Variants in TRMT44 observed in about 807,000 individuals in gnomAD.
TRMT44 encodes the protein tRNA methyltransferase 44 homolog, also known as probable tRNA (uracil-O(2)-)-methyltransferase.
Under a neutral mutation model 77.3 loss-of-function variants are expected in TRMT44, and 78 were observed. The observed-to-expected ratio is 1.01, with a 90% CI of 0.84 to 1.22. The LOEUF (loss-of-function observed/expected upper bound fraction) is 1.22. Ranked by LOEUF, TRMT44 falls within the 50% of genes most tolerant of loss-of-function variation. The pLI, the probability that TRMT44 is intolerant of heterozygous loss-of-function variation, is 0.00. For missense variants in TRMT44, 1,090 were observed against 964.4 expected, an observed-to-expected ratio of 1.13 and a Z score of -1.73; for synonymous variants, 391 against 383.3, an observed-to-expected ratio of 1.02 and a Z score of -0.23.
chr4:8,504,132 G>A, the TRMT44 span, among the ~76,000 whole-genome samples: 109 of 148,444 alleles, frequency 7.3e-4, no homozygotes, highest in African/African-American at 2.7e-3. This position sits in a 1 kb window ranked among gnomAD's most constrained non-coding sequence, Gnocchi z 5.3. Context: ...CGGGGCAGGG[G>A]CTGCATCAGG....
chr4:8,458,464 C>CTTTTT (rs56203512), intron 6 of TRMT44, among the ~76,000 whole-genome samples: 59 of 130,278 alleles, frequency 4.5e-4, no homozygotes, highest in Non-Finnish European at 5.4e-4. Context: ...CTTTTCTTTT[C>CTTTTT]TTTTTTTTTT....
At chr4:8,471,903 A>T (rs1194933356) in intron 10 of TRMT44, among the ~76,000 whole-genome samples, 2 of 152,086 alleles carry the variant, frequency 1.3e-5, no homozygotes, top group African/African-American at 2.4e-5. Flanking sequence ...ACACACTTCC[A>T]TCATCTGCAG....
chr4:8,514,480 T>G, the TRMT44 span, among the ~76,000 whole-genome samples: 9 of 152,066 alleles, frequency 5.9e-5, no homozygotes, highest in African/African-American at 2.2e-4. Flanking sequence ...TTTCACCATG[T>G]TGGCCAGGCT....
chr4:8,453,075 C>A, intron 5 of TRMT44, 86 bp downstream of exon 5: 1 of 716,602 alleles, frequency 1.4e-6, no homozygotes, highest in Non-Finnish European at 2.2e-6. Flanking sequence ...TCTTTTTCTG[C>A]TGATACAGCC....
chr4:8,481,827 G>A (rs1184990754), intron 2 of TRMT44, among the ~76,000 whole-genome samples: 3 of 152,190 alleles, frequency 2.0e-5, no homozygotes, highest in Non-Finnish European at 2.9e-5. Flanking sequence ...GGCAGTCACC[G>A]CCTGTGATAA....
chr4:8,455,588 A>T (rs1440560252), intron 6 of TRMT44, among the ~76,000 whole-genome samples: 1 of 152,254 alleles, frequency 6.6e-6, no homozygotes, highest in African/African-American at 2.4e-5. Context: ...TTATTTAGGG[A>T]AATCAATATG....
chr4:8,481,960 C>G (rs561227351), intron 2 of TRMT44, among the ~76,000 whole-genome samples: 1 of 152,284 alleles, frequency 6.6e-6, no homozygotes, highest in African/African-American at 2.4e-5. Flanking sequence ...CATAGATTTG[C>G]CTGTAAGCAG....
chr4:8,480,280 G>C (rs1727571621), downstream of TRMT44, among the ~76,000 whole-genome samples: 1 of 152,180 alleles, frequency 6.6e-6, no homozygotes, highest in Admixed American at 6.5e-5. Flanking sequence ...ACTTGGAAGA[G>C]ACCCAAGCAC....
chr4:8,493,571 C>T (rs1479256912), downstream of TRMT44: 2 of 152,220 alleles, frequency 1.3e-5, no homozygotes, highest in Non-Finnish European at 2.9e-5. Flanking sequence ...TTTGATCCAT[C>T]AGCTCGGTGT....
At chr4:8,502,865 G>T in the TRMT44 span, among the ~76,000 whole-genome samples, 2 of 152,224 alleles carry the variant, frequency 1.3e-5, no homozygotes, top group African/African-American at 4.8e-5. Context: ...CAGGAGGTGG[G>T]GAACATGGGC....
Position 8,451,894 on chromosome 4 carries a change from T to G in TRMT44, c.955-66T>G. 1 of 1,395,722 alleles carries G rather than the reference T, an allele frequency of 7.2e-7. No individual in the cohort carries two copies. The highest frequency in any genetic ancestry group is 9.8e-7 in the Non-Finnish European group (1 of 1,019,054). The allele number at this position is 1,395,722 out of a possible 1,614,324, so 86.5% of individuals were successfully genotyped here. On this transcript the variant is annotated intron_variant, in intron 3 of 10. Transcript: ENST00000389737. This position sits in a 1 kb window ranked among gnomAD's most constrained non-coding sequence, Gnocchi z 4.1. ...TTTGATTTATGCTTTATAGGGATAC[T>G]TAAAGTATTGGGAAATGGTGGTGGG...
chr4:8,487,123 T>G (rs1175891817), intron 2 of TRMT44, among the ~76,000 whole-genome samples: 1 of 152,194 alleles, frequency 6.6e-6, no homozygotes, highest in African/African-American at 2.4e-5. Flanking sequence ...AAGAATTATT[T>G]AGATCTTGCA....
chr4:8,464,037 TA>T lies in TRMT44; in HGVS notation c.1258del (p.Ile420SerfsTer113). 1 of 1,614,168 alleles carries T rather than the reference TA, an allele frequency of 6.2e-7. No homozygotes were observed. Among genetic ancestry groups the T allele is most frequent in the Non-Finnish European group, 8.5e-7 (1 of 1,180,024 alleles). On this transcript the variant is annotated frameshift_variant, in exon 7 of 11. Transcript: ENST00000389737. LOFTEE classifies it high-confidence loss of function. ...DKTLFPDVDW[L>X]IGNHSDELTP... ...ACCCTTTTCCCTGATGTTGATTGGT[TA>T]ATCGGTAACCATTCTGATGAACTCA...
At chr4:8,467,017 A>C (rs1419396095) in intron 8 of TRMT44, among the ~76,000 whole-genome samples, 1 of 152,166 alleles carries the variant, frequency 6.6e-6, no homozygotes, top group Non-Finnish European at 1.5e-5. Flanking sequence ...GAAGCCCAGA[A>C]ATGAGGTGCC....
At position 8,471,196 on chromosome 4, in the gene TRMT44, C is replaced by G. The variant is rs768917574; in HGVS notation, c.2040C>G (p.Phe680Leu). The change falls in exon 10 of 11, where the codon TTC becomes TTG. Residue 680 changes from phenylalanine (F) to leucine (L), a missense_variant. Coordinates refer to ENST00000389737, the MANE Select transcript of TRMT44 (RefSeq NM_152544.3). ...QTLLRNSHQV[F>L]QVVNGRVHIR... ...TGCTCCGGAACAGCCACCAGGTGTTCCAAGGTACGGAGTCCGCCTCTCCCC... is the reference window on the plus strand; with the variant it reads ...TGCTCCGGAACAGCCACCAGGTGTTGCAAGGTACGGAGTCCGCCTCTCCCC... 3.2e-6 allele frequency: 5 copies of G among 1,586,944 alleles called. No homozygotes were observed. The highest frequency in any genetic ancestry group is 4.3e-6 in the Non-Finnish European group (5 of 1,167,080).
At chr4:8,448,143 G>A (rs1418660713) in intron 2 of TRMT44, among the ~76,000 whole-genome samples, 1 of 152,090 alleles carries the variant, frequency 6.6e-6, no homozygotes, top group African/African-American at 2.4e-5. Context: ...TAGCCTCACC[G>A]GGCCGCTATT....
chr4:8,510,912 G>A, the TRMT44 span: 1 of 152,666 alleles, frequency 6.6e-6, no homozygotes, highest in Non-Finnish European at 1.5e-5. Context: ...GACCAGCAGT[G>A]ACCATCATCA....
intron 8 of TRMT44, among the ~76,000 whole-genome samples, 148 bp from the exon 9 acceptor site, chr4:8,467,757 GCCACCGTAC>G (rs1466128651): frequency 2.6e-5 from 4 of 152,210 alleles, no homozygotes; most frequent in Non-Finnish European, 5.9e-5. Context: ...ATAGGAGTGA[GCCACCGTAC>G]CTGGCTGGTG....
chr4:8,508,003 T>C, the TRMT44 span, among the ~76,000 whole-genome samples: 28 of 152,178 alleles, frequency 1.8e-4, no homozygotes, highest in Non-Finnish European at 3.7e-4. Context: ...AGCTCCCAGG[T>C]TCAAGTGATT....
Sources: allele counts gnomAD v4.1 joint callset (sites outside exome capture counted in the v4.1 genomes callset), GRCh38; gene constraint gnomAD v4.1.1; non-coding constraint Gnocchi (gnomAD v3.1); transcripts MANE v1.5; gene names NCBI Gene and HGNC (gene_info 2026-07-23, HGNC 2026-07-21).